Variants in EPHB1 observed in about 807,000 individuals in gnomAD.
The protein encoded by EPHB1 is EPH receptor B1.
In EPHB1, 30 loss-of-function variants were observed where a neutral mutation model predicts 94.4. That is an observed-to-expected ratio of 0.32 (90% CI 0.24 to 0.43). EPHB1 has a LOEUF of 0.43. EPHB1 is among the 20% of genes least tolerant of loss of function. The pLI, the probability that EPHB1 is intolerant of heterozygous loss-of-function variation, is 1.00. For missense variants in EPHB1, 1,055 were observed against 1,308.3 expected, an observed-to-expected ratio of 0.81 and a Z score of 2.99; for synonymous variants, 522 against 489.1, an observed-to-expected ratio of 1.07 and a Z score of -0.89.
chr3:135,093,378 T>A (rs1197127262), intron 3 of EPHB1, among the ~76,000 whole-genome samples: 2 of 152,110 alleles, frequency 1.3e-5, no homozygotes, highest in African/African-American at 4.8e-5. Flanking sequence ...GCCACACCAC[T>A]CACACTACTC....
At chr3:134,874,981 T>C (rs778076247) in intron 1 of EPHB1, among the ~76,000 whole-genome samples, 2 of 152,214 alleles carry the variant, frequency 1.3e-5, no homozygotes, top group African/African-American at 4.8e-5. Flanking sequence ...GTCACTTTGT[T>C]ACCTTTTCCC....
At chr3:135,214,046 A>C in intron 12 of EPHB1, among the ~76,000 whole-genome samples, 1 of 150,944 alleles carries the variant, frequency 6.6e-6, no homozygotes, top group Non-Finnish European at 1.5e-5. Flanking sequence ...TTCCTCTCAC[A>C]CTCTGTGTTT....
chr3:135,169,221 C>G (rs1010595091), intron 9 of EPHB1, among the ~76,000 whole-genome samples: 1 of 152,188 alleles, frequency 6.6e-6, no homozygotes, highest in Non-Finnish European at 1.5e-5. Flanking sequence ...AATCCTCAGT[C>G]TGCAGTAATA....
intron 3 of EPHB1, among the ~76,000 whole-genome samples, chr3:134,965,351 C>T (rs758261851): frequency 3.3e-5 from 5 of 152,190 alleles, no homozygotes; most frequent in Non-Finnish European, 5.9e-5. Context: ...TGTTCCTTCC[C>T]CTGCTCTACC....
chr3:135,018,003 G>C (rs998391993), intron 3 of EPHB1, among the ~76,000 whole-genome samples: 3 of 152,058 alleles, frequency 2.0e-5, no homozygotes, highest in Admixed American at 1.3e-4. Context: ...TGGACTGTGA[G>C]GGGGGGCATG....
intron 15 of EPHB1, among the ~76,000 whole-genome samples, chr3:135,257,145 C>T (rs936244131): frequency 6.6e-6 from 1 of 151,424 alleles, no homozygotes; most frequent in African/African-American, 2.4e-5. Flanking sequence ...GTTTCAACTT[C>T]TTTGCCTTTG....
intron 1 of EPHB1, among the ~76,000 whole-genome samples, chr3:134,827,906 T>C (rs2036514243): frequency 6.6e-6 from 1 of 152,220 alleles, no homozygotes; most frequent in Non-Finnish European, 1.5e-5. Context: ...GGCATCCTCA[T>C]TGTCTTGCTG....
intron 1 of EPHB1, among the ~76,000 whole-genome samples, chr3:134,910,876 G>A (rs1401536832): frequency 6.6e-6 from 1 of 152,242 alleles, no homozygotes; most frequent in East Asian, 1.9e-4. Context: ...GACCTCCTGT[G>A]CAGTTGACAG....
chr3:135,154,463 C>A, intron 6 of EPHB1, 187 bp downstream of exon 6: 1 of 693,040 alleles, frequency 1.4e-6, no homozygotes, highest in Non-Finnish European at 2.3e-6. Flanking sequence ...AGCCCAGGCA[C>A]TTTCTGTGCC....
chr3:135,232,328 C>A (rs1388869515), intron 12 of EPHB1, among the ~76,000 whole-genome samples: 1 of 152,238 alleles, frequency 6.6e-6, no homozygotes, highest in East Asian at 1.9e-4. Flanking sequence ...TAGACAGTGA[C>A]TGTGGAACAG....
chr3:135,125,869 C>G (rs1940173759), intron 4 of EPHB1, among the ~76,000 whole-genome samples: 1 of 152,168 alleles, frequency 6.6e-6, no homozygotes, highest in Non-Finnish European at 1.5e-5. Context: ...TCTACAGCCC[C>G]CATTTCCCTG....
intron 3 of EPHB1, among the ~76,000 whole-genome samples, chr3:135,005,244 G>C (rs557064353): frequency 6.6e-6 from 1 of 152,204 alleles, no homozygotes; most frequent in Non-Finnish European, 1.5e-5. Flanking sequence ...TGCCCCTGCT[G>C]GGGGGTGCCT....
intron 1 of EPHB1, among the ~76,000 whole-genome samples, chr3:134,861,420 G>A (rs1245109612): frequency 6.6e-6 from 1 of 152,166 alleles, no homozygotes; most frequent in Non-Finnish European, 1.5e-5. Flanking sequence ...GATGAGGAGG[G>A]AATGTGAATG....
chr3:135,154,578 C>T (rs1445802633), intron 6 of EPHB1, among the ~76,000 whole-genome samples: 1 of 152,166 alleles, frequency 6.6e-6, no homozygotes, highest in East Asian at 1.9e-4. Context: ...TATACTAATG[C>T]AGATGCCACA....
intron 3 of EPHB1, among the ~76,000 whole-genome samples, chr3:134,963,268 AT>A (rs1406322113): frequency 6.6e-6 from 1 of 152,136 alleles, no homozygotes; most frequent in African/African-American, 2.4e-5. Context: ...ATAATGAATA[AT>A]AATAATACAT....
In EPHB1 at chr3:135,192,569, G is replaced by A. The variant is rs1282049678; in HGVS notation, c.1883-7G>A. 1 of 1,612,584 alleles carries A rather than the reference G, an allele frequency of 6.2e-7. No homozygotes were observed. Among genetic ancestry groups the A allele is most frequent in the South Asian group, 1.1e-5 (1 of 90,954 alleles). ...AGAGGATATTAATGGCATTTTTGCT[G>A]TTGCAGGGGAGTTTGGAGAAGTGTA... On this transcript the variant is annotated splice_region_variant and splice_polypyrimidine_tract_variant and intron_variant, in intron 10 of 15. Transcript: ENST00000398015.
At chr3:135,253,472 C>A (rs1351012330) in intron 15 of EPHB1, among the ~76,000 whole-genome samples, 224 of 151,604 alleles carry the variant, frequency 1.5e-3, no homozygotes, top group Non-Finnish European at 2.7e-3. Flanking sequence ...AATAGGGAAT[C>A]CTTTCCCCAT....
intron 3 of EPHB1, among the ~76,000 whole-genome samples, chr3:135,078,769 A>G (rs1395579847): frequency 3.3e-5 from 5 of 152,176 alleles, no homozygotes; most frequent in African/African-American, 1.2e-4. Context: ...AAGGAATCTC[A>G]AAATTCCAAA....
chr3:134,987,306 G>C (rs1934634563), intron 3 of EPHB1, among the ~76,000 whole-genome samples: 1 of 152,164 alleles, frequency 6.6e-6, no homozygotes, highest in Non-Finnish European at 1.5e-5. Flanking sequence ...GGGCCCTAAA[G>C]CCCTGTAGGG....
Sources: allele counts gnomAD v4.1 joint callset (sites outside exome capture counted in the v4.1 genomes callset), GRCh38; gene constraint gnomAD v4.1.1; transcripts MANE v1.5; gene names NCBI Gene and HGNC (gene_info 2026-07-23, HGNC 2026-07-21).